Variants in GLDC observed in about 807,000 individuals in gnomAD.
GLDC encodes the protein glycine dehydrogenase (decarboxylating), mitochondrial.
GLDC carries 104 observed loss-of-function variants against 121.3 expected under a neutral mutation model. The ratio of observed to expected loss-of-function variants is 0.86; its 90% CI spans 0.73 to 1.01. The LOEUF (loss-of-function observed/expected upper bound fraction) is 1.01, where lower values mean the gene tolerates loss of function less well. Among genes scored for constraint, GLDC ranks in the 50% least tolerant of loss-of-function variants. The pLI is 0.00. For synonymous variants in GLDC, 546 were observed against 480.6 expected (o/e 1.14, Z -1.78); for missense variants, 1,429 against 1,306.6 (o/e 1.09, Z -1.44).
At chr9:6,631,379 A>C (rs1440062710) in intron 2 of GLDC, among the ~76,000 whole-genome samples, 1 of 152,214 alleles carries the variant, frequency 6.6e-6, no homozygotes, top group African/African-American at 2.4e-5. Context: ...CATAGCTTCA[A>C]GACCCTACCA....
At chr9:6,538,873 C>G (rs748198417) in intron 22 of GLDC, among the ~76,000 whole-genome samples, 3 of 152,130 alleles carry the variant, frequency 2.0e-5, no homozygotes, top group African/African-American at 7.2e-5. Flanking sequence ...CAAGAGTTGC[C>G]AAGCAGAGAT....
At chr9:6,577,807 C>T (rs906217242) in intron 15 of GLDC, among the ~76,000 whole-genome samples, 5 of 150,276 alleles carry the variant, frequency 3.3e-5, no homozygotes, top group Admixed American at 2.0e-4. Flanking sequence ...CCCATCTCTA[C>T]GTTATTGATT....
chr9:6,644,472 G>C lies in GLDC; in HGVS notation c.334+142C>G, dbSNP rs1054948553. On this transcript the variant is annotated intron_variant, in intron 2 of 24. Transcript: ENST00000321612. ...AATATCCCACCTTCCCGCGGCTCCGGAGGTACCCGCCACTGTTTTATTTTA... is the reference window on the plus strand; with the variant it reads ...AATATCCCACCTTCCCGCGGCTCCGCAGGTACCCGCCACTGTTTTATTTTA... The C allele has an allele frequency of 5.4e-4, 377 of 695,936 alleles. 1 individual carries two copies. Among genetic ancestry groups the C allele is most frequent in the Non-Finnish European group, 8.8e-4 (338 of 384,754 alleles). 43.1% of individuals were successfully genotyped at this position (695,936 alleles called of 1,614,324 possible). A position where few individuals can be genotyped will look rare whatever the true frequency, so the allele number is the denominator to read the frequency against.
At chr9:6,635,183 G>A (rs557819021) in intron 2 of GLDC, among the ~76,000 whole-genome samples, 10 of 152,282 alleles carry the variant, frequency 6.6e-5, no homozygotes, top group East Asian at 3.9e-4. Context: ...TATAGCTGGG[G>A]ATATCTTTAT....
intron 16 of GLDC, among the ~76,000 whole-genome samples, chr9:6,561,690 C>T (rs922849109): frequency 2.6e-5 from 4 of 152,048 alleles, no homozygotes; most frequent in Non-Finnish European, 5.9e-5. Flanking sequence ...ATGGAAGTAA[C>T]ACGACCCAGA....
At chr9:6,633,942 G>A (rs562990002) in intron 2 of GLDC, among the ~76,000 whole-genome samples, 77 of 141,854 alleles carry the variant, frequency 5.4e-4, no homozygotes, top group Admixed American at 5.3e-4. Flanking sequence ...CCATTCTCCT[G>A]CCTCAGCCTC....
At chr9:6,615,423 TAA>T (rs34380343) in intron 3 of GLDC, among the ~76,000 whole-genome samples, 2 of 141,404 alleles carry the variant, frequency 1.4e-5, no homozygotes, top group Admixed American at 7.1e-5. Flanking sequence ...ACTAAAAATT[TAA>T]AAAAAAAAAA....
chr9:6,593,016 A>T, intron 9 of GLDC, 26 bp from the exon 10 acceptor site: 1 of 1,612,978 alleles, frequency 6.2e-7, no homozygotes, highest in Non-Finnish European at 8.5e-7. Flanking sequence ...GATCCCCCAA[A>T]CTCTCATATA....
At chr9:6,542,885 CAA>C (rs5896153) in intron 21 of GLDC, among the ~76,000 whole-genome samples, 203 of 61,394 alleles carry the variant, frequency 3.3e-3, no homozygotes, top group African/African-American at 0.01. Flanking sequence ...GACCTTTTCT[CAA>C]AAAAAAAAAA....
At chr9:6,585,709 A>G (rs1818256034) in intron 15 of GLDC, among the ~76,000 whole-genome samples, 1 of 152,190 alleles carries the variant, frequency 6.6e-6, no homozygotes, top group Non-Finnish European at 1.5e-5. Context: ...CTGGTAGAGA[A>G]CTATACTTTG....
intron 2 of GLDC, among the ~76,000 whole-genome samples, chr9:6,643,059 G>C (rs533207596): frequency 9.4e-4 from 143 of 151,896 alleles, no homozygotes; most frequent in Non-Finnish European, 1.6e-3. Flanking sequence ...CACCACACCC[G>C]GCTAATTTTT....
At position 6,573,483 on chromosome 9, in the gene GLDC, T is replaced by C. The variant is rs540049442; in HGVS notation, c.1851-8054A>G. On this transcript the variant is annotated intron_variant, in intron 15 of 24. Coordinates refer to ENST00000321612, the MANE Select transcript of GLDC (RefSeq NM_000170.3). ...CTTAAAAAATAAATAAATAAAAGAA[T>C]ACATTTATGTGATTTTTTAAAAAAA... Among the ~76,000 whole-genome samples, 8 of 151,460 alleles carry C rather than the reference T, an allele frequency of 5.3e-5. No individual in the cohort carries two copies. The East Asian group carries it at 1.6e-3, about 29-fold the overall frequency.
chr9:6,553,347 G>GC (rs754241290), intron 20 of GLDC, 21 bp downstream of exon 20: 3 of 1,612,592 alleles, frequency 1.9e-6, no homozygotes, highest in Non-Finnish European at 2.5e-6. Flanking sequence ...CTGCACACCT[G>GC]CACATACTCC....
In GLDC at chr9:6,563,690, G is replaced by A. The variant is rs115093582; in HGVS notation, c.1926+1664C>T. Among the ~76,000 whole-genome samples, 1,514 of 152,346 alleles carry A rather than the reference G, an allele frequency of 9.9e-3. 18 individuals carry two copies. The highest frequency in any genetic ancestry group is 0.034 in the African/African-American group (1,425 of 41,576). On this transcript the variant is annotated intron_variant, in intron 16 of 24. Transcript: ENST00000321612. Reference sequence around the variant, plus strand: ...CATTCCTTAGAAAGCTGAGAATTCAGAACCACGAATGAACAAACTGTGGGG... The same window carrying A: ...CATTCCTTAGAAAGCTGAGAATTCAAAACCACGAATGAACAAACTGTGGGG...
chr9:6,613,550 T>C (rs1818904369), intron 3 of GLDC, among the ~76,000 whole-genome samples: 1 of 152,210 alleles, frequency 6.6e-6, no homozygotes, highest in Non-Finnish European at 1.5e-5. Context: ...TTAAATACTA[T>C]TCAAAAACAT....
At chr9:6,618,157 T>A (rs1209445529) in intron 3 of GLDC, among the ~76,000 whole-genome samples, 1 of 152,244 alleles carries the variant, frequency 6.6e-6, no homozygotes, top group Non-Finnish European at 1.5e-5. Flanking sequence ...GACACCTATA[T>A]TTTCAAATAA....
In GLDC at chr9:6,540,172, A is replaced by T. The variant is rs566149224; in HGVS notation, c.2570-26T>A. The T allele has an allele frequency of 2.2e-6, 3 of 1,344,632 alleles. No individual in the cohort carries two copies. In the East Asian group the frequency reaches 6.9e-5, roughly 31 times the overall value. The allele number at this position is 1,344,632 out of a possible 1,614,324, so 83.3% of individuals were successfully genotyped here. On this transcript the variant is annotated intron_variant, in intron 21 of 24. Transcript: ENST00000321612. ...CTGTTCAGGAAAGTTGTTTCAGCCC[A>T]AGATTAGCATCAGCTTATTGTTTTA...
intron 2 of GLDC, among the ~76,000 whole-genome samples, chr9:6,631,991 C>T (rs567762428): frequency 1.3e-5 from 2 of 152,106 alleles, no homozygotes; most frequent in Admixed American, 6.6e-5. Flanking sequence ...TCTGTTTGGC[C>T]CAGGAGGTTG....
rs1178258640 is a variant in GLDC, at chr9:6,633,152, G to C, written c.334+11462C>G. ...CGGAGGATCCTTATGTCTTTATGCA[G>C]ACTTTCTTCCCTCTTCTGCCTAAGA... is the stretch of plus-strand genomic sequence containing the variant. On this transcript the variant is annotated intron_variant, in intron 2 of 24. Transcript: ENST00000321612. Among the ~76,000 whole-genome samples the C allele has an allele frequency of 3.3e-5, 5 of 152,122 alleles. No individual in the cohort carries two copies. The East Asian group carries it at 9.6e-4, about 29-fold the overall frequency.
Sources: allele counts gnomAD v4.1 joint callset (sites outside exome capture counted in the v4.1 genomes callset), GRCh38; gene constraint gnomAD v4.1.1; transcripts MANE v1.5; gene names NCBI Gene and HGNC (gene_info 2026-07-23, HGNC 2026-07-21).